MAN2B2: variants seen among roughly 807,000 people sequenced by gnomAD.
MAN2B2 encodes epididymis-specific alpha-mannosidase.
MAN2B2 carries 106 observed loss-of-function variants against 117.1 expected under a neutral mutation model. The observed-to-expected ratio is 0.90, with a 90% CI of 0.77 to 1.06. MAN2B2 has a LOEUF of 1.06. MAN2B2 is among the 50% of genes least tolerant of loss of function. The probability of loss-of-function intolerance (pLI) is 0.00; values close to 1 mark genes in which losing one functional copy is unlikely to be tolerated. For missense variants in MAN2B2, 1,326 were observed against 1,381.4 expected, an observed-to-expected ratio of 0.96 and a Z score of 0.64; for synonymous variants, 544 against 595.1, an observed-to-expected ratio of 0.91 and a Z score of 1.25.
chr4:6,609,300 T>G lies in MAN2B2; in HGVS notation c.2006+2T>G. The G allele has an allele frequency of 6.2e-7, 1 of 1,612,906 alleles. No homozygotes were observed. The highest frequency in any genetic ancestry group is 8.5e-7 in the Non-Finnish European group (1 of 1,179,522). On this transcript the variant is annotated splice_donor_variant, in intron 12 of 18. Transcript: ENST00000285599. LOFTEE classifies it high-confidence loss of function. ...TGAGATCCGGCAGTACTTCTACAGG[T>G]GCTTCCCCTGGGGTGACCCCCACAG...
chr4:6,605,260 C>T lies in MAN2B2; in HGVS notation c.1745C>T (p.Pro582Leu). ...AGCCATGCGGGCAGGTACTTGGTGC[C>T]TGTGGCAAACGACTGCTACATTGTG... ...RTSHAGRYLV[P>L]VANDCYIVLL... Residue 582 changes from proline (P) to leucine (L), a missense_variant, in exon 11 of 19, where the codon CCT (proline) becomes CTT (leucine). Transcript: ENST00000285599. 6.2e-7 allele frequency: 1 copy of T among 1,614,188 alleles called. No homozygotes were observed. Among genetic ancestry groups the T allele is most frequent in the Non-Finnish European group, 8.5e-7 (1 of 1,180,030 alleles).
intron 3 of MAN2B2, among the ~76,000 whole-genome samples, chr4:6,579,048 CCATCACCACCACCATCACCAT>C (rs1726196275): frequency 3.3e-5 from 3 of 90,886 alleles, no homozygotes; most frequent in South Asian, 7.0e-4. Flanking sequence ...ACCATCACCA[CCATCACCACCACCATCACCAT>C]CACCACCACC....
chr4:6,593,894 A>G (rs1440305342), intron 6 of MAN2B2, among the ~76,000 whole-genome samples: 1 of 152,142 alleles, frequency 6.6e-6, no homozygotes, highest in East Asian at 1.9e-4. Flanking sequence ...ACCAAGGCCC[A>G]GAGAGGTTAA....
At position 6,605,340 on chromosome 4, in the gene MAN2B2, G is replaced by A. The variant is rs1439119829; in HGVS notation, c.1814+11G>A. 1.3e-6 allele frequency: 2 copies of A among 1,597,526 alleles called. No individual in the cohort carries two copies. The highest frequency in any genetic ancestry group is 1.1e-5 in the South Asian group (1 of 90,016). The stretch of plus-strand genomic sequence containing the variant: ...CAGCATCTGGGAGAGGTAAGGTGCA[G>A]CCATTGCTGTCTCTGAGGCACAGGC... On this transcript the variant is annotated intron_variant, in intron 11 of 18. Transcript: ENST00000285599.
rs1404896665 is a variant in MAN2B2, at chr4:6,617,475, G to A, written c.2797G>A (p.Val933Met). 3.3e-5 allele frequency: 53 copies of A among 1,613,996 alleles called. No individual in the cohort carries two copies. Among genetic ancestry groups the A allele is most frequent in the Non-Finnish European group, 4.4e-5 (52 of 1,180,016 alleles). The change falls in exon 17 of 19, where the codon GTG (valine) becomes ATG (methionine). Residue 933 changes from valine to methionine, a missense_variant. Coordinates refer to ENST00000285599, the MANE Select transcript of MAN2B2 (RefSeq NM_015274.3). ...VGEDPVLSQP[V>M]TVNLEAVLQA... is the part of the protein sequence containing the mutation. ...CGAGGACCCAGTCCTGTCTCAGCCA[G>A]TGACAGTGAATCTGGAGGTGAACTT...
At chr4:6,618,725 C>G (rs1264031952) in intron 17 of MAN2B2, 1 of 152,316 alleles carries the variant, frequency 6.6e-6, no homozygotes, top group African/African-American at 2.4e-5. Context: ...ATTTCATTTC[C>G]TGCTCATGGA....
intron 3 of MAN2B2, among the ~76,000 whole-genome samples, chr4:6,579,292 CCACCACCAT>C (rs1726295945): frequency 2.1e-5 from 2 of 93,916 alleles, no homozygotes; most frequent in East Asian, 4.3e-4. Context: ...ATCACCATCA[CCACCACCAT>C]CACCACCACC....
chr4:6,591,194 G>T (rs867450462), intron 5 of MAN2B2, among the ~76,000 whole-genome samples: 2 of 151,706 alleles, frequency 1.3e-5, no homozygotes, highest in South Asian at 4.2e-4. Flanking sequence ...GAAGGGGCCT[G>T]GAGACCCTTG....
chr4:6,593,128 C>T (rs975361610), intron 5 of MAN2B2, 45 bp from the exon 6 acceptor site: 11 of 1,592,908 alleles, frequency 6.9e-6, no homozygotes, highest in Non-Finnish European at 7.7e-6. Flanking sequence ...CCCTGGCTGT[C>T]CACAGAGTTC....
intron 11 of MAN2B2, 110 bp downstream of exon 11, chr4:6,605,439 T>G: frequency 7.7e-7 from 1 of 1,296,990 alleles, no homozygotes; most frequent in Non-Finnish European, 1.0e-6. Context: ...GAAGGACAGA[T>G]GGTGGTGAAA....
intron 11 of MAN2B2, 24 bp from the exon 12 acceptor site, chr4:6,609,083 A>C (rs1560658495): frequency 6.2e-7 from 1 of 1,600,768 alleles, no homozygotes; most frequent in Admixed American, 1.7e-5. Flanking sequence ...TGAGAATGAC[A>C]TCTTCTCTCT....
rs774250494 is a variant in MAN2B2 at position 6,619,929 on chromosome 4, T to C, written c.2817T>C (p.Ala939=). 59 of 1,612,462 alleles carry C rather than the reference T, an allele frequency of 3.7e-5. No individual in the cohort carries two copies. Among genetic ancestry groups the C allele is most frequent in the Middle Eastern group, 3.3e-4 (2 of 6,076 alleles). Reference sequence around the variant, plus strand: ...TCCCTCTGCTCCTCTCCCTGCAGGCTGTGCTGCAGGCGCTGGGGTCCGTGG... The same window carrying C: ...TCCCTCTGCTCCTCTCCCTGCAGGCCGTGCTGCAGGCGCTGGGGTCCGTGG... ...LSQPVTVNLE[A]VLQALGSVVA... The change falls in exon 18 of 19, where the codon GCT becomes GCC. Residue 939 remains alanine (A), a splice_region_variant and synonymous_variant. Transcript: ENST00000285599.
chr4:6,617,828 G>A (rs1052068018), intron 17 of MAN2B2: 8 of 241,646 alleles, frequency 3.3e-5, no homozygotes, highest in East Asian at 1.3e-4. Flanking sequence ...TCACAGGGGC[G>A]CGCCACCACG....
intron 3 of MAN2B2, among the ~76,000 whole-genome samples, chr4:6,581,374 T>G (rs1726420963): frequency 1.3e-5 from 2 of 152,192 alleles, no homozygotes; most frequent in African/African-American, 4.8e-5. Context: ...ACTGAGGTAC[T>G]GAGAGATGCG....
rs1420171948 is a variant in MAN2B2, at chr4:6,617,509, C to G, written c.2814+17C>G. ...AATCTGGAGGTGAACTTCCCCACCC[C>G]CATCCAGACCATAAGCCAGGGAAGC... On this transcript the variant is annotated intron_variant, in intron 17 of 18. Coordinates refer to ENST00000285599, the MANE Select transcript of MAN2B2 (RefSeq NM_015274.3). 2.5e-6 allele frequency: 4 copies of G among 1,613,566 alleles called. No homozygotes were observed. Among genetic ancestry groups the G allele is most frequent in the Non-Finnish European group, 2.5e-6 (3 of 1,179,776 alleles).
intron 9 of MAN2B2, 136 bp downstream of exon 9, chr4:6,598,490 C>A: frequency 1.1e-6 from 1 of 949,494 alleles, no homozygotes; most frequent in Non-Finnish European, 1.5e-6. Context: ...ATGGTGAGAG[C>A]TCGGACAGGT....
intron 3 of MAN2B2, among the ~76,000 whole-genome samples, chr4:6,583,718 G>C (rs1176442531): frequency 6.6e-6 from 1 of 152,348 alleles, no homozygotes. Context: ...GCTTTAAAAT[G>C]AGAAAGAAAG....
At chr4:6,596,148 CA>C (rs1303569023) in intron 7 of MAN2B2, among the ~76,000 whole-genome samples, 48 of 150,412 alleles carry the variant, frequency 3.2e-4, no homozygotes, top group African/African-American at 1.1e-3. Context: ...GCGTGGTATC[CA>C]GGTGGGCGTG....
intron 15 of MAN2B2, 59 bp downstream of exon 15, chr4:6,611,337 G>A (rs919537066): frequency 6.6e-7 from 1 of 1,510,932 alleles, no homozygotes; most frequent in Middle Eastern, 2.5e-4. Context: ...CCAGGCCAGG[G>A]CGGGCCTTGG....
Sources: allele counts gnomAD v4.1 joint callset (sites outside exome capture counted in the v4.1 genomes callset), GRCh38; gene constraint gnomAD v4.1.1; transcripts MANE v1.5; gene names NCBI Gene and HGNC (gene_info 2026-07-23, HGNC 2026-07-21).